Variants in HTRA1 observed in about 807,000 individuals in gnomAD.
HTRA1 encodes the protein HtrA serine peptidase 1, also known as serine protease HTRA1.
Under a neutral mutation model 49.7 loss-of-function variants are expected in HTRA1, and 26 were observed. The observed-to-expected ratio is 0.52, with a 90% CI of 0.38 to 0.73. HTRA1 has a LOEUF of 0.73. Among genes scored for constraint, HTRA1 ranks in the 30% least tolerant of loss-of-function variants. HTRA1 has a pLI of 0.00. For synonymous variants in HTRA1, 291 were observed against 286.9 expected, an observed-to-expected ratio of 1.01 and a Z score of -0.14; for missense variants, 561 against 667.2, an observed-to-expected ratio of 0.84 and a Z score of 1.75.
chr10:122,512,958 A>C (rs919992569), intron 8 of HTRA1, among the ~76,000 whole-genome samples: 5 of 152,160 alleles, frequency 3.3e-5, no homozygotes, highest in African/African-American at 1.2e-4. Context: ...TGGTTGAAAA[A>C]ATCCTGAAAT....
chr10:122,483,502 A>G (rs2097491890), intron 1 of HTRA1, among the ~76,000 whole-genome samples: 2 of 152,230 alleles, frequency 1.3e-5, no homozygotes, highest in Non-Finnish European at 2.9e-5. Flanking sequence ...AAATGAAATC[A>G]TGTAGCACTG....
chr10:122,469,971 AG>A (rs1490348247), intron 1 of HTRA1, among the ~76,000 whole-genome samples: 1 of 152,006 alleles, frequency 6.6e-6, no homozygotes, highest in Non-Finnish European at 1.5e-5. Flanking sequence ...TACGTTTGTT[AG>A]GGTGTATTTT....
intron 3 of HTRA1, among the ~76,000 whole-genome samples, chr10:122,504,897 C>T (rs1025822340): frequency 5.9e-5 from 9 of 152,222 alleles, no homozygotes; most frequent in African/African-American, 2.2e-4. Flanking sequence ...CCTGCATGCT[C>T]CAGCCTCAGG....
At position 122,508,734 on chromosome 10, in the gene HTRA1, A is replaced by C; in HGVS notation, c.1084A>C (p.Lys362Gln). 6.2e-7 allele frequency: 1 copy of C among 1,613,824 alleles called. No individual in the cohort carries two copies. The highest frequency in any genetic ancestry group is 1.1e-5 in the South Asian group (1 of 91,078). Residue 362 changes from lysine (K) to glutamine (Q), a missense_variant, in exon 6 of 9, where the codon AAG becomes CAG. This residue lies in a region of HTRA1 where 179 missense variants were observed against 173.4 expected (regional missense o/e 1.03). Coordinates refer to ENST00000368984, the MANE Select transcript of HTRA1 (RefSeq NM_002775.5). ...SFAIPSDKIK[K>Q]FLTESHDRQA... ...TGCAATCCCATCTGATAAGATTAAA[A>C]AGTTCCTCACGGAGTCCCATGACCG...
At position 122,506,546 on chromosome 10, in the gene HTRA1, T is replaced by G; in HGVS notation, c.778-145T>G. 1.4e-6 allele frequency: 1 copy of G among 717,058 alleles called. No homozygotes were observed. The highest frequency in any genetic ancestry group is 2.5e-6 in the Non-Finnish European group (1 of 403,734). The allele number at this position is 717,058 out of a possible 1,614,324, so 44.4% of individuals were successfully genotyped here. A position where few individuals can be genotyped will look rare whatever the true frequency, so the allele number is the denominator to read the frequency against. ...TCCAGTCCTGCCCGCAGCAAAGGGA[T>G]GTTAGTTGTGAGCTCAGTTCCCCAC... On this transcript the variant is annotated intron_variant, in intron 3 of 8. Transcript: ENST00000368984. This position sits in a 1 kb window ranked among gnomAD's most constrained non-coding sequence, Gnocchi z 5.2.
intron 5 of HTRA1, among the ~76,000 whole-genome samples, chr10:122,507,910 G>A (rs1427842258): frequency 6.7e-6 from 1 of 148,550 alleles, no homozygotes; most frequent in Non-Finnish European, 1.5e-5. Context: ...AAATACTTGA[G>A]CAGAAAAAGT....
intron 1 of HTRA1, among the ~76,000 whole-genome samples, chr10:122,467,707 T>C (rs2097484332): frequency 6.6e-6 from 1 of 152,112 alleles, no homozygotes; most frequent in Admixed American, 6.5e-5. Flanking sequence ...CTCCAAGGCC[T>C]TTGGGTCATC....
chr10:122,479,781 C>A (rs1020498581), intron 1 of HTRA1, among the ~76,000 whole-genome samples: 4 of 120,110 alleles, frequency 3.3e-5, no homozygotes, highest in Non-Finnish European at 5.7e-5. Context: ...GGATCGTGGG[C>A]CCGAGGAGAT....
intron 8 of HTRA1, among the ~76,000 whole-genome samples, chr10:122,512,540 A>G (rs1216792180): frequency 1.3e-5 from 2 of 152,202 alleles, no homozygotes; most frequent in Non-Finnish European, 2.9e-5. Flanking sequence ...AAGTAGCTCA[A>G]CCATCCATCA....
intron 3 of HTRA1, among the ~76,000 whole-genome samples, chr10:122,496,225 G>GTTTTGTTTTTTTTTTTTTTTTTTTTT (rs1287521208): frequency 1.2e-5 from 1 of 80,384 alleles, no homozygotes; most frequent in African/African-American, 5.1e-5. Flanking sequence ...GAGATTGTGG[G>GTTTTGTTTTTTTTTTTTTTTTTTTTT]TTCTTTTTTT....
At chr10:122,462,870 C>T (rs2133906188) in intron 1 of HTRA1, among the ~76,000 whole-genome samples, 1 of 152,342 alleles carries the variant, frequency 6.6e-6, no homozygotes. Context: ...GAAGTCTACC[C>T]CTCTGTTCCT....
rs1169733880 is a variant in HTRA1 at position 122,461,571 on chromosome 10, C to G, written c.-82C>G. ...CGCGCGCACTCGCACCCGCTGCCCC[C>G]GAGGCCCTCCTGCACTCTCCCCGGC... On this transcript the variant is annotated 5_prime_UTR_variant, in exon 1 of 9. Transcript: ENST00000368984. 2 of 827,184 alleles carry G rather than the reference C, an allele frequency of 2.4e-6. No individual in the cohort carries two copies. The highest frequency in any genetic ancestry group is 3.8e-5 in the African/African-American group (2 of 53,124). 51.2% of individuals were successfully genotyped at this position (827,184 alleles called of 1,614,324 possible).
At chr10:122,462,192 C>A in intron 1 of HTRA1, 68 bp downstream of exon 1, 1 of 1,332,850 alleles carries the variant, frequency 7.5e-7, no homozygotes, top group African/African-American at 1.5e-5. Flanking sequence ...TTCTGCGGGA[C>A]TGGTGGGCAG....
chr10:122,513,626 C>T (rs1221742761), intron 8 of HTRA1, among the ~76,000 whole-genome samples: 1 of 21,378 alleles, frequency 4.7e-5, no homozygotes, highest in Non-Finnish European at 7.8e-5. Context: ...GAGACCCCAT[C>T]TCAAAAAAAA....
chr10:122,482,506 A>G (rs1344074058), intron 1 of HTRA1, among the ~76,000 whole-genome samples: 2 of 152,156 alleles, frequency 1.3e-5, no homozygotes, highest in Non-Finnish European at 2.9e-5. Flanking sequence ...GGGGCACACT[A>G]TGGGAACCAT....
At chr10:122,512,952 T>C (rs181796428) in intron 8 of HTRA1, among the ~76,000 whole-genome samples, 1 of 152,170 alleles carries the variant, frequency 6.6e-6, no homozygotes, top group South Asian at 2.1e-4. Context: ...TTTAAATGGT[T>C]GAAAAAATCC....
Position 122,506,827 on chromosome 10 carries a change from A to C in HTRA1, c.914A>C (p.Lys305Thr). Residue 305 changes from lysine (K) to threonine (T), a missense_variant, in exon 4 of 9, where the codon AAA becomes ACA. By Grantham distance (78) the Lys-to-Thr change is moderately conservative (BLOSUM62 -1). Coordinates refer to ENST00000368984, the MANE Select transcript of HTRA1 (RefSeq NM_002775.5). The surrounding 1 kb of genome is among the most constrained non-coding windows in gnomAD (Gnocchi z 5.2). ...GTGAGCACCACCCAGCGAGGCGGCAAAGAGCTGGGGCTCCGCAACTCAGAC... is the reference window on the plus strand; with the variant it reads ...GTGAGCACCACCCAGCGAGGCGGCACAGAGCTGGGGCTCCGCAACTCAGAC... The part of the protein sequence containing the change: ...GIVSTTQRGG[K>T]ELGLRNSDMD... The C allele has an allele frequency of 6.2e-7, 1 of 1,613,870 alleles. No individual in the cohort carries two copies. The highest frequency in any genetic ancestry group is 8.5e-7 in the Non-Finnish European group (1 of 1,179,998).
chr10:122,476,360 A>G (rs1013733337), intron 1 of HTRA1, among the ~76,000 whole-genome samples: 4 of 152,166 alleles, frequency 2.6e-5, no homozygotes, highest in East Asian at 1.9e-4. Context: ...AATGTGGACC[A>G]GCCCCTCTCC....
intron 1 of HTRA1, among the ~76,000 whole-genome samples, chr10:122,470,210 G>A (rs1266759609): frequency 2.0e-5 from 3 of 152,138 alleles, no homozygotes; most frequent in Admixed American, 6.5e-5. Context: ...ACTGAATTGC[G>A]GTCTCCATGA....
Sources: gnomAD v4.1 joint callset for allele counts (sites outside exome capture counted in the v4.1 genomes callset) on GRCh38, gnomAD v4.1.1 for gene constraint, gnomAD v4.1.1 regional missense constraint, Gnocchi (gnomAD v3.1) non-coding constraint, MANE v1.5 for transcripts, NCBI Gene and HGNC (gene_info 2026-07-23, HGNC 2026-07-21) for gene names.